Variants in KCNJ4 observed in about 807,000 individuals in gnomAD.
KCNJ4 encodes the protein inward rectifier potassium channel 4.
A neutral mutation model predicts 25.6 loss-of-function variants in KCNJ4; 3 were observed. The observed-to-expected ratio is 0.12, with a 90% CI of 0.05 to 0.30. The LOEUF is 0.30. KCNJ4 is among the 10% of genes least tolerant of loss of function. The pLI is 1.00. For missense variants in KCNJ4, 286 were observed against 666.8 expected, an observed-to-expected ratio of 0.43 and a Z score of 6.29; for synonymous variants, 257 against 283.9, an observed-to-expected ratio of 0.91 and a Z score of 0.95.
At chr22:38,447,997 G>C (rs1446017465) in intron 1 of KCNJ4, among the ~76,000 whole-genome samples, 1 of 150,460 alleles carries the variant, frequency 6.6e-6, no homozygotes, top group Non-Finnish European at 1.5e-5. Context: ...CTGGGAGGGG[G>C]AGGTTGCAGT....
chr22:38,455,018 G>C lies in KCNJ4; in HGVS notation c.-78C>G, dbSNP rs1881565326. On this transcript the variant is annotated 5_prime_UTR_variant, in exon 1 of 2. Coordinates refer to ENST00000303592, the MANE Select transcript of KCNJ4 (RefSeq NM_152868.3). ...GTCCGACGAGAGTCCGGGAGGCGGC[G>C]AGCGGGCGCTACATCCCAAGGCGCG... The C allele has an allele frequency of 6.6e-6, 1 of 151,566 alleles. No homozygotes were observed. The highest frequency in any genetic ancestry group is 2.4e-5 in the African/African-American group (1 of 41,366). The allele number at this position is 151,566 out of a possible 1,614,324, so 9.4% of individuals were successfully genotyped here.
At position 38,442,241 on chromosome 22, in the gene KCNJ4, C is replaced by T. The variant is rs117873905; in HGVS notation, c.-40+12739G>A. On this transcript the variant is annotated intron_variant, in intron 1 of 1. Coordinates refer to ENST00000303592, the MANE Select transcript of KCNJ4 (RefSeq NM_152868.3). ...TTAATGTGTACACATGCATATTTTCCAGAGAAGGCATTCATAAGGTTGTGT... is the reference window on the plus strand; with the variant it reads ...TTAATGTGTACACATGCATATTTTCTAGAGAAGGCATTCATAAGGTTGTGT... Among the ~76,000 whole-genome samples, 74 of 152,214 alleles carry T rather than the reference C, an allele frequency of 4.9e-4. No individual in the cohort carries two copies. The East Asian group carries it at 0.012, about 25-fold the overall frequency.
intron 1 of KCNJ4, among the ~76,000 whole-genome samples, chr22:38,435,893 C>T (rs1569120713): frequency 6.6e-6 from 1 of 151,968 alleles, no homozygotes; most frequent in Non-Finnish European, 1.5e-5. Flanking sequence ...TTGAGCTGTA[C>T]CCCTCAAAGA....
intron 1 of KCNJ4, among the ~76,000 whole-genome samples, chr22:38,452,160 G>A (rs1165537126): frequency 6.6e-6 from 1 of 152,208 alleles, no homozygotes; most frequent in Admixed American, 6.5e-5. Context: ...TCTGGGCCCA[G>A]GAGAGCCGCA....
chr22:38,444,142 G>A (rs898712058), intron 1 of KCNJ4, among the ~76,000 whole-genome samples: 5 of 152,192 alleles, frequency 3.3e-5, no homozygotes, highest in Admixed American at 6.5e-5. Flanking sequence ...GATCTTCCTG[G>A]CAGCCCTTAG....
chr22:38,437,004 T>C (rs1403300341), intron 1 of KCNJ4, among the ~76,000 whole-genome samples: 1 of 152,164 alleles, frequency 6.6e-6, no homozygotes, highest in Admixed American at 6.5e-5. Context: ...CCTATGGGGA[T>C]GGAGAAACTG....
chr22:38,428,193 G>A, intron 1 of KCNJ4, 22 bp from the exon 2 acceptor site: 1 of 1,547,336 alleles, frequency 6.5e-7, no homozygotes, highest in African/African-American at 1.4e-5. Flanking sequence ...AAGCCGGACA[G>A]GTGAGATGCT....
intron 1 of KCNJ4, among the ~76,000 whole-genome samples, chr22:38,438,086 A>C (rs2089305350): frequency 6.6e-6 from 1 of 152,006 alleles, no homozygotes; most frequent in South Asian, 2.1e-4. Flanking sequence ...TAAAAATACA[A>C]AAATTAGCCA....
At chr22:38,441,600 A>G (rs1195966935) in intron 1 of KCNJ4, among the ~76,000 whole-genome samples, 2 of 152,138 alleles carry the variant, frequency 1.3e-5, no homozygotes, top group Non-Finnish European at 2.9e-5. Flanking sequence ...ACTCACACAC[A>G]GGATTTCTCT....
chr22:38,440,904 G>T (rs1020892739), intron 1 of KCNJ4, among the ~76,000 whole-genome samples: 13 of 152,222 alleles, frequency 8.5e-5, no homozygotes, highest in African/African-American at 3.1e-4. Context: ...TCCAAATGCA[G>T]ATGTCTACCT....
At chr22:38,435,321 G>C (rs1307264710) in intron 1 of KCNJ4, among the ~76,000 whole-genome samples, 1 of 152,232 alleles carries the variant, frequency 6.6e-6, no homozygotes, top group African/African-American at 2.4e-5. Flanking sequence ...GGGCAGTGGA[G>C]GTCAGGGGAC....
intron 1 of KCNJ4, among the ~76,000 whole-genome samples, chr22:38,432,051 C>G (rs1448656964): frequency 6.6e-6 from 1 of 151,392 alleles, no homozygotes; most frequent in African/African-American, 2.4e-5. Flanking sequence ...GTCAGGAGTT[C>G]AAGACCAGCC....
At chr22:38,444,555 C>T (rs1221943348) in intron 1 of KCNJ4, among the ~76,000 whole-genome samples, 3 of 152,128 alleles carry the variant, frequency 2.0e-5, no homozygotes, top group Non-Finnish European at 4.4e-5. Context: ...GTCAGGGGCT[C>T]GGGGGAGGAT....
At chr22:38,442,730 G>T (rs964838311) in intron 1 of KCNJ4, among the ~76,000 whole-genome samples, 2 of 152,044 alleles carry the variant, frequency 1.3e-5, no homozygotes, top group Non-Finnish European at 2.9e-5. Context: ...AAACTGTAAA[G>T]TGCAGAAGCC....
chr22:38,433,510 T>C (rs866039760), intron 1 of KCNJ4, among the ~76,000 whole-genome samples: 6 of 151,702 alleles, frequency 4.0e-5, no homozygotes, highest in Admixed American at 6.6e-5. Context: ...AGAGATGGGG[T>C]CTTACTATGT....
At chr22:38,439,421 G>A (rs1383887785) in intron 1 of KCNJ4, among the ~76,000 whole-genome samples, 1 of 152,022 alleles carries the variant, frequency 6.6e-6, no homozygotes, top group Admixed American at 6.6e-5. Flanking sequence ...AACAGAGTGA[G>A]ACTCCGTCTC....
At chr22:38,431,089 A>T (rs1163780495) in intron 1 of KCNJ4, among the ~76,000 whole-genome samples, 1 of 152,216 alleles carries the variant, frequency 6.6e-6, no homozygotes, top group South Asian at 2.1e-4. Context: ...GTGGCGGCCC[A>T]GGCCTTCAAC....
At chr22:38,434,446 A>G (rs1368331372) in intron 1 of KCNJ4, among the ~76,000 whole-genome samples, 1 of 152,200 alleles carries the variant, frequency 6.6e-6, no homozygotes, top group Non-Finnish European at 1.5e-5. Flanking sequence ...CACCTACCAC[A>G]GTAACAAGAA....
intron 1 of KCNJ4, among the ~76,000 whole-genome samples, chr22:38,436,403 C>T (rs968719930): frequency 1.3e-5 from 2 of 152,166 alleles, no homozygotes; most frequent in East Asian, 1.9e-4. Context: ...AGAGCAGCCT[C>T]GGTGCTGTTC....
Sources: allele counts gnomAD v4.1 joint callset (sites outside exome capture counted in the v4.1 genomes callset), GRCh38; gene constraint gnomAD v4.1.1; transcripts MANE v1.5; gene names NCBI Gene and HGNC (gene_info 2026-07-23, HGNC 2026-07-21).